The following CAPZA2 variants were observed in gnomAD, a reference collection of about 807,000 sequenced individuals.
CAPZA2 encodes capping actin protein of muscle Z-line subunit alpha 2, also known as F-actin-capping protein subunit alpha-2.
In CAPZA2, 13 loss-of-function variants were observed where a neutral mutation model predicts 44.0. That is an observed-to-expected ratio of 0.30 (90% CI 0.19 to 0.47). CAPZA2 has a LOEUF of 0.47. CAPZA2 is among the 20% of genes least tolerant of loss of function. CAPZA2 has a pLI of 1.00. For missense variants in CAPZA2, 244 were observed against 338.6 expected (o/e 0.72, Z 2.19); for synonymous variants, 94 against 108.2 (o/e 0.87, Z 0.81).
chr7:116,863,881 C>G (rs1394090852), intron 1 of CAPZA2, among the ~76,000 whole-genome samples: 2 of 152,084 alleles, frequency 1.3e-5, no homozygotes, highest in Non-Finnish European at 2.9e-5. Flanking sequence ...TGTTCTTGCA[C>G]CGAAATAGAA....
At chr7:116,887,638 C>T (rs1160631347) in intron 1 of CAPZA2, among the ~76,000 whole-genome samples, 1 of 152,180 alleles carries the variant, frequency 6.6e-6, no homozygotes, top group Non-Finnish European at 1.5e-5. Context: ...TGAAGACCAG[C>T]TTGGCCAACA....
chr7:116,873,857 G>A (rs1276060377), intron 1 of CAPZA2: 1 of 153,270 alleles, frequency 6.5e-6, no homozygotes, highest in East Asian at 1.9e-4. Context: ...GCTTGAGAAA[G>A]GTACATTCTG....
chr7:116,904,986 A>T (rs1031800159), intron 5 of CAPZA2, among the ~76,000 whole-genome samples: 40 of 150,022 alleles, frequency 2.7e-4, no homozygotes, highest in African/African-American at 9.5e-4. Flanking sequence ...AAAAAAAAAA[A>T]AAACAATTAG....
At chr7:116,913,687 C>T (rs1791626433) in intron 8 of CAPZA2, among the ~76,000 whole-genome samples, 1 of 151,854 alleles carries the variant, frequency 6.6e-6, no homozygotes, top group African/African-American at 2.4e-5. Flanking sequence ...ACTGCAACCT[C>T]TGCCTCTAGG....
At chr7:116,867,784 A>G (rs1353970982) in intron 1 of CAPZA2, among the ~76,000 whole-genome samples, 1 of 152,028 alleles carries the variant, frequency 6.6e-6, no homozygotes, top group East Asian at 1.9e-4. Context: ...GGGTTTCGCT[A>G]TGTTGCCCAG....
intron 6 of CAPZA2, 139 bp from the exon 7 acceptor site, chr7:116,910,094 T>C (rs1791571047): frequency 1.5e-6 from 1 of 682,880 alleles, no homozygotes. Flanking sequence ...TTTTTGACTA[T>C]TTCAGTGATT....
intron 1 of CAPZA2, among the ~76,000 whole-genome samples, chr7:116,879,428 C>A (rs1358816351): frequency 2.0e-5 from 3 of 152,072 alleles, no homozygotes; most frequent in African/African-American, 7.2e-5. Context: ...GCCTTTTTGG[C>A]ACCAGGGACC....
intron 3 of CAPZA2, among the ~76,000 whole-genome samples, chr7:116,897,869 C>T (rs1323180168): frequency 1.3e-5 from 2 of 151,718 alleles, no homozygotes; most frequent in African/African-American, 2.4e-5. Flanking sequence ...TTCTGGCTCT[C>T]GTTGCTCCAC....
At chr7:116,907,857 C>T (rs10487356) in intron 6 of CAPZA2, among the ~76,000 whole-genome samples, 30,624 of 152,100 alleles carry the variant, frequency 0.2, 3,600 homozygotes, top group East Asian at 0.41. Flanking sequence ...CATTGTATCA[C>T]TTAACTTAAT....
At chr7:116,877,214 A>G (rs1050137179) in intron 1 of CAPZA2, among the ~76,000 whole-genome samples, 1 of 152,242 alleles carries the variant, frequency 6.6e-6, no homozygotes, top group African/African-American at 2.4e-5. Flanking sequence ...GCCAGTTATC[A>G]AAGGTATTTG....
At chr7:116,872,571 A>G (rs1796566259) in intron 1 of CAPZA2, among the ~76,000 whole-genome samples, 1 of 152,360 alleles carries the variant, frequency 6.6e-6, no homozygotes, top group African/African-American at 2.4e-5. Context: ...CACCTGACAC[A>G]CAGACATGTG....
chr7:116,866,727 A>G (rs1482249647), intron 1 of CAPZA2, among the ~76,000 whole-genome samples: 1 of 152,216 alleles, frequency 6.6e-6, no homozygotes, highest in Non-Finnish European at 1.5e-5. Context: ...CAGTGATTAC[A>G]ATAATCTGTC....
At chr7:116,862,952 C>T (rs1401831418) in intron 1 of CAPZA2, among the ~76,000 whole-genome samples, 1 of 152,070 alleles carries the variant, frequency 6.6e-6, no homozygotes, top group East Asian at 1.9e-4. Context: ...AGGGCGGCGG[C>T]TGCCCAGGAC....
chr7:116,873,247 G>T (rs954356906), intron 1 of CAPZA2, among the ~76,000 whole-genome samples: 7 of 152,076 alleles, frequency 4.6e-5, no homozygotes, highest in African/African-American at 1.4e-4. Context: ...GAGAGTGCAG[G>T]GTCCTTTGCT....
chr7:116,893,214 T>A (rs565597188), intron 3 of CAPZA2, among the ~76,000 whole-genome samples, 169 bp downstream of exon 3: 1 of 152,262 alleles, frequency 6.6e-6, no homozygotes, highest in South Asian at 2.1e-4. Context: ...CACTGCAACC[T>A]CTGCCTCCCG....
chr7:116,917,687 C>T (rs551757944), intron 9 of CAPZA2, 40 bp from the exon 10 acceptor site: 1 of 1,447,484 alleles, frequency 6.9e-7, no homozygotes, highest in Admixed American at 1.7e-5. Context: ...TTGTTCTGTT[C>T]TTTGCTTTAC....
chr7:116,904,679 C>A (rs1271983796), intron 5 of CAPZA2: 7 of 232,714 alleles, frequency 3.0e-5, no homozygotes, highest in South Asian at 1.2e-4. Flanking sequence ...GTTCATGACT[C>A]GTCTCAGTTT....
intron 1 of CAPZA2, among the ~76,000 whole-genome samples, chr7:116,877,129 T>TAG (rs1796632333): frequency 6.6e-6 from 1 of 152,214 alleles, no homozygotes; most frequent in African/African-American, 2.4e-5. Context: ...CTCTCCCTGT[T>TAG]TTCCCTAAGT....
rs539175901 is a variant in CAPZA2, at chr7:116,917,340, C to T, written c.721-387C>T. Among the ~76,000 whole-genome samples, 13 of 152,276 alleles carry T rather than the reference C, an allele frequency of 8.5e-5. No homozygotes were observed. In the East Asian group the frequency reaches 1.9e-3, roughly 23 times the overall value. The stretch of plus-strand genomic sequence containing the variant: ...CGCGATCTCGCCTCACTGCAAGCTC[C>T]GCCTTCCAGGTTCACGCCATTCTCC... On this transcript the variant is annotated intron_variant, in intron 9 of 9. Coordinates refer to ENST00000361183, the MANE Select transcript of CAPZA2 (RefSeq NM_006136.3).
Sources: gnomAD v4.1 joint callset for allele counts (sites outside exome capture counted in the v4.1 genomes callset) on GRCh38, gnomAD v4.1.1 for gene constraint, MANE v1.5 for transcripts, NCBI Gene and HGNC (gene_info 2026-07-23, HGNC 2026-07-21) for gene names.